MGAT4C: variants seen among roughly 807,000 people sequenced by gnomAD.
MGAT4C encodes the protein MGAT4 family member C.
Under a neutral mutation model 40.1 loss-of-function variants are expected in MGAT4C, and 19 were observed. That is an observed-to-expected ratio of 0.47 (90% CI 0.33 to 0.70). MGAT4C has a LOEUF of 0.70. MGAT4C is among the 30% of genes least tolerant of loss of function. MGAT4C has a pLI of 0.02. For missense variants in MGAT4C, 491 were observed against 563.2 expected (o/e 0.87, Z 1.30); for synonymous variants, 181 against 187.1 (o/e 0.97, Z 0.27).
At chr12:86,691,643 A>T (rs1950174835) in intron 2 of MGAT4C, among the ~76,000 whole-genome samples, 1 of 152,170 alleles carries the variant, frequency 6.6e-6, no homozygotes, top group Non-Finnish European at 1.5e-5. Context: ...TGCAAAATAA[A>T]TCATCTATTA....
At chr12:86,342,829 C>T (rs970074221) in intron 3 of MGAT4C, among the ~76,000 whole-genome samples, 3 of 152,062 alleles carry the variant, frequency 2.0e-5, no homozygotes, top group Admixed American at 6.6e-5. Context: ...GGCAGTTAGC[C>T]ATGCCTTTTC....
intron 2 of MGAT4C, among the ~76,000 whole-genome samples, chr12:86,477,389 T>C (rs1957854675): frequency 6.6e-6 from 1 of 151,908 alleles, no homozygotes. Flanking sequence ...AAGAGGACCA[T>C]AGTAGAAACT....
chr12:86,317,705 A>T (rs1426535502), intron 4 of MGAT4C, among the ~76,000 whole-genome samples: 1 of 151,968 alleles, frequency 6.6e-6, no homozygotes, highest in Non-Finnish European at 1.5e-5. Flanking sequence ...ACTTTGGCTA[A>T]AAATATAGAA....
chr12:86,328,882 T>A (rs1338961198), intron 4 of MGAT4C, among the ~76,000 whole-genome samples: 2 of 151,908 alleles, frequency 1.3e-5, no homozygotes, highest in African/African-American at 4.8e-5. Context: ...AAGGTGGGCA[T>A]ATCACGAGGT....
rs531159415 is a variant in MGAT4C at position 86,329,092 on chromosome 12, G to T, written c.-57+4973C>A. On this transcript the variant is annotated intron_variant, in intron 4 of 7. Transcript: ENST00000548651. Reference sequence around the variant, plus strand: ...CACTCCAGCCTGGGCAACAGAGCAAGACTCCATTTCAATAAATAAATAAAT... The same window carrying T: ...CACTCCAGCCTGGGCAACAGAGCAATACTCCATTTCAATAAATAAATAAAT... Among the ~76,000 whole-genome samples the T allele has an allele frequency of 3.9e-4, 57 of 146,580 alleles. No individual in the cohort carries two copies. The South Asian group carries it at 0.012, about 30-fold the overall frequency.
At chr12:86,139,142 C>A (rs1168244526) in intron 1 of MGAT4C, among the ~76,000 whole-genome samples, 10 of 152,080 alleles carry the variant, frequency 6.6e-5, no homozygotes, top group Non-Finnish European at 1.2e-4. Context: ...CTAATCTTAT[C>A]CTTCTATGAT....
intron 1 of MGAT4C, among the ~76,000 whole-genome samples, chr12:86,225,418 G>T (rs765680395): frequency 7.9e-5 from 12 of 152,050 alleles, no homozygotes; most frequent in Non-Finnish European, 1.6e-4. Flanking sequence ...AATTGAAAGA[G>T]AAGGAATTCT....
chr12:86,596,826 A>C (rs1961554704), intron 2 of MGAT4C, among the ~76,000 whole-genome samples: 1 of 152,202 alleles, frequency 6.6e-6, no homozygotes, highest in Non-Finnish European at 1.5e-5. Context: ...TGTGAATTAA[A>C]GATGATAAAT....
At chr12:86,501,904 G>A (rs1468395836) in intron 2 of MGAT4C, among the ~76,000 whole-genome samples, 1 of 151,998 alleles carries the variant, frequency 6.6e-6, no homozygotes, top group Non-Finnish European at 1.5e-5. Context: ...AATCTTCGAG[G>A]AATTGCCACA....
At chr12:86,704,067 C>T (rs1950411025) in intron 2 of MGAT4C, among the ~76,000 whole-genome samples, 1 of 151,882 alleles carries the variant, frequency 6.6e-6, no homozygotes, top group African/African-American at 2.4e-5. Flanking sequence ...ATAATTAGGA[C>T]AAGGAAATAA....
At chr12:86,658,070 C>A (rs1296726798) in intron 2 of MGAT4C, among the ~76,000 whole-genome samples, 1 of 151,846 alleles carries the variant, frequency 6.6e-6, no homozygotes, top group East Asian at 1.9e-4. Flanking sequence ...ACAATTAATG[C>A]ACCCAAAGTT....
At chr12:86,455,202 T>C (rs1408292235) in intron 2 of MGAT4C, among the ~76,000 whole-genome samples, 3 of 152,124 alleles carry the variant, frequency 2.0e-5, no homozygotes, top group African/African-American at 7.2e-5. Context: ...TATTCCAGTA[T>C]CAAATAATTC....
In MGAT4C at chr12:86,726,720, T is replaced by TA. The variant is rs557254277; in HGVS notation, c.-229+488dup. 2.5e-3 allele frequency among the ~76,000 whole-genome samples: 385 copies of TA among 152,184 alleles called. 1 individual carries two copies. Among genetic ancestry groups the TA allele is most frequent in the African/African-American group, 5.7e-3 (236 of 41,542 alleles). ...ACATCAAGTCGAATTTTATTGTTAT[T>TA]AAAAAAAGTGTGGTAGTTACATATA... On this transcript the variant is annotated intron_variant, in intron 2 of 7. Transcript: ENST00000548651.
chr12:86,753,110 GC>G (rs1565965751), intron 1 of MGAT4C, among the ~76,000 whole-genome samples: 1 of 152,186 alleles, frequency 6.6e-6, no homozygotes, highest in South Asian at 2.1e-4. Flanking sequence ...AGACTGAAAA[GC>G]CCCCCAAAGT....
intron 4 of MGAT4C, among the ~76,000 whole-genome samples, chr12:86,267,888 C>A (rs536399037): frequency 1.3e-5 from 2 of 152,234 alleles, no homozygotes; most frequent in African/African-American, 4.8e-5. Context: ...ACAAGCAATG[C>A]AATTCCTGAG....
intron 2 of MGAT4C, among the ~76,000 whole-genome samples, chr12:86,042,867 CA>C (rs140809256): frequency 0.11 from 11,446 of 107,752 alleles, 416 homozygotes; most frequent in Middle Eastern, 0.22. Context: ...GACTCTGTCT[CA>C]AAAAAAAAAA....
intron 1 of MGAT4C, among the ~76,000 whole-genome samples, chr12:86,211,518 C>T (rs755887126): frequency 9.4e-5 from 14 of 149,420 alleles, no homozygotes; most frequent in Non-Finnish European, 1.6e-4. Context: ...AACCGAGAGG[C>T]GGAGCTTGCA....
chr12:86,517,518 G>A (rs979331763), intron 2 of MGAT4C, among the ~76,000 whole-genome samples: 9 of 152,302 alleles, frequency 5.9e-5, no homozygotes, highest in Middle Eastern at 3.4e-3. Flanking sequence ...CCTGGACTAT[G>A]AAAGGTTTAT....
rs184786500 is a variant in MGAT4C, at chr12:86,749,747, A to G, written c.-261-22506T>C. ...AATAAAAACTTATGACTATCACTGC[A>G]TAAATTTTAATGACTTCTACCTTTT... On this transcript the variant is annotated intron_variant, in intron 1 of 7. Transcript: ENST00000548651. Among the ~76,000 whole-genome samples, 838 of 151,904 alleles carry G rather than the reference A, an allele frequency of 5.5e-3. 3 individuals carry two copies. The highest frequency in any genetic ancestry group is 8.9e-3 in the Non-Finnish European group (605 of 67,824).
Sources: gnomAD v4.1 joint callset for allele counts (sites outside exome capture counted in the v4.1 genomes callset) on GRCh38, gnomAD v4.1.1 for gene constraint, MANE v1.5 for transcripts, NCBI Gene and HGNC (gene_info 2026-07-23, HGNC 2026-07-21) for gene names.